LDLRAP1: variants seen among roughly 807,000 people sequenced by gnomAD.
LDLRAP1 encodes low density lipoprotein receptor adapter protein 1.
LDLRAP1 carries 30 observed loss-of-function variants against 37.8 expected under a neutral mutation model. The observed-to-expected ratio is 0.79, with a 90% CI of 0.59 to 1.08. LDLRAP1 has a LOEUF of 1.08. Among genes scored for constraint, LDLRAP1 ranks in the 50% least tolerant of loss-of-function variants. The pLI is 0.00. For missense variants in LDLRAP1, 375 were observed against 401.6 expected (o/e 0.93, Z 0.57); for synonymous variants, 156 against 169.8 (o/e 0.92, Z 0.63).
In LDLRAP1 at chr1:25,557,253, A is replaced by C. The variant is rs558144552; in HGVS notation, c.445A>C (p.Thr149Pro). 11 of 1,610,564 alleles carry C rather than the reference A, an allele frequency of 6.8e-6. No individual in the cohort carries two copies. The East Asian group carries it at 2.2e-4, about 33-fold the overall frequency. ...CCTCGAGTGCCACGCCTTCCTCTGCACCAAGCGGAAGATGGTCAGCGGGGA... is the reference window on the plus strand; with the variant it reads ...CCTCGAGTGCCACGCCTTCCTCTGCCCCAAGCGGAAGATGGTCAGCGGGGA... ...QSLECHAFLC[T>P]KRKMAQAVTL... is the part of the protein sequence containing the mutation. Residue 149 changes from threonine (T) to proline (P), a missense_variant, in exon 4 of 9, where the codon ACC (threonine) becomes CCC (proline). By Grantham distance (38) the Thr-to-Pro change is conservative (BLOSUM62 -1). Coordinates refer to ENST00000374338, the MANE Select transcript of LDLRAP1 (RefSeq NM_015627.3).
At position 25,557,384 on chromosome 1, in the gene LDLRAP1, G is replaced by T. The variant is rs552467673; in HGVS notation, c.459+117G>T. 6.6e-4 allele frequency: 526 copies of T among 797,676 alleles called. 7 individuals are homozygous for T. The South Asian group carries it at 8.0e-3, about 12-fold the overall frequency. The allele number at this position is 797,676 out of a possible 1,614,324, so 49.4% of individuals were successfully genotyped here. A position where few individuals can be genotyped will look rare whatever the true frequency, so the allele number is the denominator to read the frequency against. Reference sequence around the variant, plus strand: ...CAAAGGTGACCATTACTTAAGAAGAGGGTGAAATCTCTGGGAACCCCAAGT... The same window carrying T: ...CAAAGGTGACCATTACTTAAGAAGATGGTGAAATCTCTGGGAACCCCAAGT... On this transcript the variant is annotated intron_variant, in intron 4 of 8. Coordinates refer to ENST00000374338, the MANE Select transcript of LDLRAP1 (RefSeq NM_015627.3).
At chr1:25,569,223 G>A (rs868015337), downstream of LDLRAP1, among the ~76,000 whole-genome samples, 1 of 152,224 alleles carries the variant, frequency 6.6e-6, no homozygotes, top group Non-Finnish European at 1.5e-5. Flanking sequence ...ACGTGTCCAC[G>A]TGGGCGTTTT....
At chr1:25,583,130 G>A in the LDLRAP1 span, among the ~76,000 whole-genome samples, 1 of 150,132 alleles carries the variant, frequency 6.7e-6, no homozygotes, top group South Asian at 2.1e-4. Context: ...CTGAGAAGTT[G>A]GATATAATTA....
At chr1:25,572,870 C>T (rs1051882874), downstream of LDLRAP1, among the ~76,000 whole-genome samples, 2 of 152,206 alleles carry the variant, frequency 1.3e-5, no homozygotes, top group East Asian at 1.9e-4. Flanking sequence ...CCCTCAAGGA[C>T]GCTGAAGTCT....
At chr1:25,559,641 C>T (rs1557705629) in intron 4 of LDLRAP1, among the ~76,000 whole-genome samples, 1 of 152,240 alleles carries the variant, frequency 6.6e-6, no homozygotes, top group Non-Finnish European at 1.5e-5. Flanking sequence ...CTGCGGAGCC[C>T]TCTCCAAGAC....
At chr1:25,549,780 A>G (rs1299455160) in intron 1 of LDLRAP1, among the ~76,000 whole-genome samples, 1 of 152,154 alleles carries the variant, frequency 6.6e-6, no homozygotes, top group African/African-American at 2.4e-5. Context: ...GAGCCCTACC[A>G]ATGGGCCTTC....
chr1:25,576,799 A>G, the LDLRAP1 span, among the ~76,000 whole-genome samples: 1 of 152,204 alleles, frequency 6.6e-6, no homozygotes, highest in East Asian at 1.9e-4. Context: ...GGAAACTGAG[A>G]TGGGGCCCAG....
intron 4 of LDLRAP1, among the ~76,000 whole-genome samples, chr1:25,560,420 T>TC (rs1177137200): frequency 3.9e-5 from 6 of 151,960 alleles, no homozygotes; most frequent in African/African-American, 1.5e-4. Context: ...AGGTCTCCCC[T>TC]CCCTGGTGCT....
At chr1:25,558,490 C>G (rs79931973) in intron 4 of LDLRAP1, among the ~76,000 whole-genome samples, 3,114 of 152,296 alleles carry the variant, frequency 0.02, 111 homozygotes, top group African/African-American at 0.071. Flanking sequence ...AGAAGTAGAT[C>G]AGGAGTCTAA....
chr1:25,584,351 G>GT, the LDLRAP1 span, among the ~76,000 whole-genome samples: 990 of 149,508 alleles, frequency 6.6e-3, 12 homozygotes, highest in African/African-American at 0.022. Flanking sequence ...TACAAGTTCA[G>GT]TTTTTTTTTT....
chr1:25,569,968 A>G (rs2044581046), downstream of LDLRAP1, among the ~76,000 whole-genome samples: 1 of 152,202 alleles, frequency 6.6e-6, no homozygotes, highest in South Asian at 2.1e-4. Flanking sequence ...TGACCCTCAC[A>G]GAAAGGCCAC....
chr1:25,544,092 C>T lies in LDLRAP1; in HGVS notation c.88+306C>T, dbSNP rs2043871763. Among the ~76,000 whole-genome samples the T allele has an allele frequency of 1.3e-5, 2 of 152,100 alleles. No homozygotes were observed. The highest frequency in any genetic ancestry group is 2.4e-5 in the African/African-American group (1 of 41,426). On this transcript the variant is annotated intron_variant, in intron 1 of 8. Coordinates refer to ENST00000374338, the MANE Select transcript of LDLRAP1 (RefSeq NM_015627.3). This position sits in a 1 kb window ranked among gnomAD's most constrained non-coding sequence, Gnocchi z 4.8. Reference sequence around the variant, plus strand: ...GTTGGGAGAAGAGGCCCCCGCCACCCGCGGCACCTCCCGCCCTGCTGTCCT... The same window carrying T: ...GTTGGGAGAAGAGGCCCCCGCCACCTGCGGCACCTCCCGCCCTGCTGTCCT...
chr1:25,574,012 A>G, the LDLRAP1 span, among the ~76,000 whole-genome samples: 1 of 152,224 alleles, frequency 6.6e-6, no homozygotes, highest in Non-Finnish European at 1.5e-5. Context: ...CCAAAGGAAA[A>G]AGGGCGGTGG....
intron 7 of LDLRAP1, chr1:25,564,190 G>A (rs535328733): frequency 3.1e-6 from 1 of 326,650 alleles, no homozygotes; most frequent in South Asian, 2.6e-5. Context: ...ACTCCCTCAG[G>A]GACTCAGGGC....
the LDLRAP1 span, among the ~76,000 whole-genome samples, chr1:25,582,576 C>T: frequency 6.9e-4 from 93 of 134,330 alleles, 1 homozygote; most frequent in Middle Eastern, 3.4e-3. Flanking sequence ...AGAGCGAGAC[C>T]CCATCTCAAA....
intron 8 of LDLRAP1, among the ~76,000 whole-genome samples, chr1:25,566,286 T>C (rs1479202239): frequency 6.6e-6 from 1 of 152,176 alleles, no homozygotes; most frequent in Non-Finnish European, 1.5e-5. Context: ...GGGATCCTGA[T>C]TTTTCACTTA....
intron 1 of LDLRAP1, among the ~76,000 whole-genome samples, chr1:25,550,762 A>G (rs2044053721): frequency 6.6e-6 from 1 of 152,152 alleles, no homozygotes; most frequent in African/African-American, 2.4e-5. Flanking sequence ...CCTAAGGCTG[A>G]TGAGTGGCAA....
chr1:25,557,503 C>T lies in LDLRAP1; in HGVS notation c.459+236C>T, dbSNP rs143991955. The T allele has an allele frequency of 1.2e-3, 678 of 581,508 alleles. 1 individual carries two copies. The highest frequency in any genetic ancestry group is 1.9e-3 in the Non-Finnish European group (610 of 324,782). 36.0% of individuals were successfully genotyped at this position (581,508 alleles called of 1,614,324 possible). ...TGTGGGCAGTAGCTGGCCCATGTCC[C>T]CAGTGTGTGTCTGGGCCTGTTCTCT... On this transcript the variant is annotated intron_variant, in intron 4 of 8. Coordinates refer to ENST00000374338, the MANE Select transcript of LDLRAP1 (RefSeq NM_015627.3).
At chr1:25,571,955 G>A (rs1572067671), downstream of LDLRAP1, among the ~76,000 whole-genome samples, 1 of 152,212 alleles carries the variant, frequency 6.6e-6, no homozygotes, top group African/African-American at 2.4e-5. Flanking sequence ...AGGGGTTATA[G>A]TTCATGGTGC....
Sources: gnomAD v4.1 joint callset for allele counts (sites outside exome capture counted in the v4.1 genomes callset) on GRCh38, gnomAD v4.1.1 for gene constraint, Gnocchi (gnomAD v3.1) non-coding constraint, MANE v1.5 for transcripts, NCBI Gene and HGNC (gene_info 2026-07-23, HGNC 2026-07-21) for gene names.